The following TRERF1 variants were observed in gnomAD, a reference collection of about 807,000 sequenced individuals.
The protein encoded by TRERF1 is transcriptional-regulating factor 1.
In TRERF1, 27 loss-of-function variants were observed where a neutral mutation model predicts 122.9. The observed-to-expected ratio is 0.22, with a 90% CI of 0.16 to 0.30. TRERF1 has a LOEUF of 0.30. Ranked by LOEUF, TRERF1 falls within the 10% of genes least tolerant of loss-of-function variation. The probability of loss-of-function intolerance (pLI) is 1.00; values close to 1 mark genes in which losing one functional copy is unlikely to be tolerated. For synonymous variants in TRERF1, 636 were observed against 641.7 expected, an observed-to-expected ratio of 0.99 and a Z score of 0.13; for missense variants, 1,248 against 1,560.3, an observed-to-expected ratio of 0.80 and a Z score of 3.37.
At chr6:42,292,834 G>A (rs983938602) in intron 4 of TRERF1, among the ~76,000 whole-genome samples, 3 of 152,138 alleles carry the variant, frequency 2.0e-5, no homozygotes, top group Non-Finnish European at 4.4e-5. Context: ...GAAGGGGTGG[G>A]CCCTGTTAGC....
intron 2 of TRERF1, among the ~76,000 whole-genome samples, chr6:42,391,658 G>A (rs2151253577): frequency 6.6e-6 from 1 of 152,140 alleles, no homozygotes; most frequent in East Asian, 1.9e-4. Flanking sequence ...GATCCTAAGA[G>A]CCTATACTCT....
chr6:42,356,161 G>A lies in TRERF1; in HGVS notation c.-371+6836C>T, dbSNP rs374911256. On this transcript the variant is annotated intron_variant, in intron 3 of 17. Coordinates refer to ENST00000372922, the Ensembl canonical transcript of TRERF1. ...TCTTCCACAACAAGGAACACTTGTCGCTCTAAGGCTTTCTGTACTGCAGGG... is the reference window on the plus strand; with the variant it reads ...TCTTCCACAACAAGGAACACTTGTCACTCTAAGGCTTTCTGTACTGCAGGG... 7.2e-5 allele frequency among the ~76,000 whole-genome samples: 11 copies of A among 152,240 alleles called. No homozygotes were observed. In the East Asian group the frequency reaches 1.7e-3, roughly 24 times the overall value.
chr6:42,273,696 G>C (rs1487366501), intron 4 of TRERF1, among the ~76,000 whole-genome samples: 1 of 152,164 alleles, frequency 6.6e-6, no homozygotes, highest in African/African-American at 2.4e-5. Flanking sequence ...AGTTGTAGTG[G>C]GCCTTAAAGT....
chr6:42,238,834 TTCACAC>T (rs1772889474), intron 15 of TRERF1, among the ~76,000 whole-genome samples: 1 of 69,526 alleles, frequency 1.4e-5, no homozygotes, highest in African/African-American at 4.4e-5. Context: ...AATCATGCAT[TTCACAC>T]ACACACACAC....
rs1780363237 is a variant in TRERF1 at position 42,407,591 on chromosome 6, T to C, written c.-454+43586A>G. Among the ~76,000 whole-genome samples the C allele has an allele frequency of 3.3e-5, 5 of 152,158 alleles. No individual in the cohort carries two copies. The South Asian group carries it at 1.0e-3, about 32-fold the overall frequency. ...GAGACTGGGAGCTTGAGAAGAGAGA[T>C]GTGACTTGTCCAAAACCACATGATA... On this transcript the variant is annotated intron_variant, in intron 2 of 17. Transcript: ENST00000372922.
chr6:42,274,270 A>G (rs1200447440), intron 4 of TRERF1, among the ~76,000 whole-genome samples: 5 of 152,218 alleles, frequency 3.3e-5, no homozygotes, highest in African/African-American at 1.2e-4. Context: ...TGCCCCAGAG[A>G]TGATCCAGTC....
At position 42,263,378 on chromosome 6, in the gene TRERF1, G is replaced by T. The variant is rs1216940593; in HGVS notation, c.1826C>A (p.Ala609Asp). 2 of 1,612,870 alleles carry T rather than the reference G, an allele frequency of 1.2e-6. No homozygotes were observed. Among genetic ancestry groups the T allele is most frequent in the Non-Finnish European group, 1.7e-6 (2 of 1,179,610 alleles). ...GGCTGGCTTGTCTCTGGCGGAGGGG[G>T]CGGCAACGGTGCTGTTGGTGAACCC... Residue 609 changes from alanine (A) to aspartate (D), a missense_variant, in exon 8 of 18, where the codon GCC becomes GAC. Physicochemically the swap from Ala to Asp is moderately radical, Grantham distance 126. Coordinates refer to ENST00000372922, the Ensembl canonical transcript of TRERF1. The surrounding 1 kb of genome is among the most constrained non-coding windows in gnomAD (Gnocchi z 5.6).
intron 2 of TRERF1, among the ~76,000 whole-genome samples, chr6:42,403,217 G>A (rs1357055947): frequency 3.3e-5 from 5 of 152,074 alleles, no homozygotes; most frequent in Admixed American, 3.3e-4. Flanking sequence ...AGGTAAAAAC[G>A]AGGCTGGTGC....
chr6:42,261,605 T>TG (rs1037953874), intron 8 of TRERF1, among the ~76,000 whole-genome samples: 4 of 151,978 alleles, frequency 2.6e-5, no homozygotes, highest in African/African-American at 9.6e-5. Context: ...AGGCTGTGAG[T>TG]GGGGGGCAGG....
chr6:42,261,179 C>A (rs988999943), intron 8 of TRERF1, among the ~76,000 whole-genome samples: 1 of 152,294 alleles, frequency 6.6e-6, no homozygotes, highest in Middle Eastern at 3.4e-3. Context: ...CCTGTGCCCC[C>A]CCCAAGGGGA....
intron 2 of TRERF1, among the ~76,000 whole-genome samples, chr6:42,369,017 G>C (rs1346652622): frequency 6.6e-6 from 1 of 152,062 alleles, no homozygotes; most frequent in Non-Finnish European, 1.5e-5. Flanking sequence ...AAATTCCCAG[G>C]CTCCCCAAGA....
intron 4 of TRERF1, among the ~76,000 whole-genome samples, chr6:42,291,665 C>T (rs1339800828): frequency 6.6e-6 from 1 of 151,570 alleles, no homozygotes; most frequent in Non-Finnish European, 1.5e-5. Context: ...TCCCAAGTAG[C>T]TGGGACTACA....
intron 3 of TRERF1, among the ~76,000 whole-genome samples, chr6:42,327,894 C>T (rs1008254606): frequency 6.6e-6 from 1 of 151,628 alleles, no homozygotes; most frequent in Non-Finnish European, 1.5e-5. Flanking sequence ...CAGGTGTGAA[C>T]TCGGTGTGTT....
intron 3 of TRERF1, among the ~76,000 whole-genome samples, chr6:42,315,445 G>A (rs903662307): frequency 2.0e-5 from 3 of 152,176 alleles, no homozygotes; most frequent in Non-Finnish European, 2.9e-5. Context: ...ATCCTTACAC[G>A]TGGCACATCC....
In TRERF1 at chr6:42,270,042, T is replaced by G. The variant is rs1779925479; in HGVS notation, c.-258-194A>C. 2.0e-5 allele frequency among the ~76,000 whole-genome samples: 3 copies of G among 152,166 alleles called. No individual in the cohort carries two copies. The South Asian group carries it at 6.2e-4, about 31-fold the overall frequency. ...GTCTCAAAAATGTTTTTAAATTAGC[T>G]GGGTGTGGTGGCATGCGCCTGTAGT... On this transcript the variant is annotated intron_variant, in intron 4 of 17. Coordinates refer to ENST00000372922, the Ensembl canonical transcript of TRERF1.
At chr6:42,310,589 G>A (rs957292484) in intron 3 of TRERF1, among the ~76,000 whole-genome samples, 1 of 152,310 alleles carries the variant, frequency 6.6e-6, no homozygotes, top group South Asian at 2.1e-4. Flanking sequence ...CACGGATGCT[G>A]CTAAACACCC....
At chr6:42,331,495 C>T (rs986091043) in intron 3 of TRERF1, among the ~76,000 whole-genome samples, 17 of 152,180 alleles carry the variant, frequency 1.1e-4, no homozygotes, top group African/African-American at 4.1e-4. Flanking sequence ...TCGGGATTAA[C>T]TGACTGGCAA....
chr6:42,308,135 G>A (rs1159496646), intron 3 of TRERF1, among the ~76,000 whole-genome samples: 1 of 152,136 alleles, frequency 6.6e-6, no homozygotes. Flanking sequence ...CCACATCACC[G>A]AAAATGGGTA....
intron 3 of TRERF1, among the ~76,000 whole-genome samples, chr6:42,327,252 T>C (rs558280926): frequency 4.6e-5 from 7 of 152,336 alleles, no homozygotes; most frequent in African/African-American, 1.7e-4. Context: ...TGCCCCACTG[T>C]GCATGTCCCA....
Sources: allele counts gnomAD v4.1 joint callset (sites outside exome capture counted in the v4.1 genomes callset), GRCh38; gene constraint gnomAD v4.1.1; non-coding constraint Gnocchi (gnomAD v3.1); transcripts MANE v1.5; gene names NCBI Gene and HGNC (gene_info 2026-07-23, HGNC 2026-07-21).